Variants in SYNPR observed in about 807,000 individuals in gnomAD.
The protein encoded by SYNPR is synaptoporin.
SYNPR carries 23 observed loss-of-function variants against 32.9 expected under a neutral mutation model. The ratio of observed to expected loss-of-function variants is 0.70; its 90% CI spans 0.50 to 0.99. The LOEUF (loss-of-function observed/expected upper bound fraction) is 0.99. Ranked by LOEUF, SYNPR falls within the 50% of genes least tolerant of loss-of-function variation. SYNPR has a pLI of 0.00. For missense variants in SYNPR, 318 were observed against 349.3 expected (o/e 0.91, Z 0.71); for synonymous variants, 146 against 135.9 (o/e 1.07, Z -0.52).
intron 2 of SYNPR, among the ~76,000 whole-genome samples, chr3:63,368,759 T>G (rs1381850459): frequency 2.0e-5 from 3 of 152,170 alleles, no homozygotes; most frequent in African/African-American, 4.8e-5. Flanking sequence ...GCCTTTGATT[T>G]TGGCTGAAGA....
At position 63,552,999 on chromosome 3, in the gene SYNPR, T is replaced by C. The variant is rs544439706; in HGVS notation, c.210-3544T>C. On this transcript the variant is annotated intron_variant, in intron 3 of 5. Coordinates refer to ENST00000478300, the MANE Select transcript of SYNPR (RefSeq NM_001130003.2). ...TCTATTTCAACTTTTATTTTAGATA[T>C]GGGGGTACATGTGCAGGTGTGTTAC... 3.4e-4 allele frequency among the ~76,000 whole-genome samples: 52 copies of C among 152,198 alleles called. 1 individual carries two copies. Among genetic ancestry groups the C allele is most frequent in the African/African-American group, 1.1e-3 (46 of 41,508 alleles).
intron 2 of SYNPR, among the ~76,000 whole-genome samples, chr3:63,399,272 A>G (rs188264683): frequency 3.3e-5 from 5 of 152,300 alleles, no homozygotes; most frequent in Admixed American, 2.6e-4. Flanking sequence ...CAAAATAACC[A>G]TAAACTGAGT....
intron 1 of SYNPR, among the ~76,000 whole-genome samples, chr3:63,243,280 C>A (rs958272989): frequency 6.8e-6 from 1 of 148,054 alleles, no homozygotes; most frequent in African/African-American, 2.5e-5. Context: ...CATAGTTAAA[C>A]TGCAGAATAT....
intron 2 of SYNPR, among the ~76,000 whole-genome samples, chr3:63,438,004 C>A (rs1311464153): frequency 1.3e-5 from 2 of 152,172 alleles, no homozygotes; most frequent in African/African-American, 4.8e-5. Context: ...TAAAGGGGAG[C>A]ATGCTTAGCC....
In SYNPR at chr3:63,473,145, C is replaced by T. The variant is rs115406279; in HGVS notation, c.85-7687C>T. ...TGTGTCTTTGACTTACTCCTCTCTG[C>T]CTAAAACACCCTTCTCCCTCTTACC... On this transcript the variant is annotated intron_variant, in intron 2 of 5. Coordinates refer to ENST00000478300, the MANE Select transcript of SYNPR (RefSeq NM_001130003.2). Among the ~76,000 whole-genome samples, 1,493 of 152,252 alleles carry T rather than the reference C, an allele frequency of 9.8e-3. 22 individuals carry two copies. Among genetic ancestry groups the T allele is most frequent in the African/African-American group, 0.033 (1,384 of 41,532 alleles).
chr3:63,595,718 TA>T (rs1426857330), intron 4 of SYNPR, among the ~76,000 whole-genome samples: 3,704 of 8,066 alleles, frequency 0.46, 662 homozygotes, highest in African/African-American at 0.53. Flanking sequence ...AATCTTATTT[TA>T]TATATATATA....
intron 3 of SYNPR, among the ~76,000 whole-genome samples, chr3:63,539,510 T>C (rs1702263579): frequency 1.3e-5 from 2 of 152,144 alleles, no homozygotes; most frequent in Admixed American, 6.5e-5. Context: ...AGTTATTGAA[T>C]GTAGATCCTC....
intron 2 of SYNPR, among the ~76,000 whole-genome samples, chr3:63,376,487 G>A (rs546566172): frequency 1.8e-4 from 27 of 152,126 alleles, no homozygotes; most frequent in Middle Eastern, 3.4e-3. Flanking sequence ...CTCTACATTA[G>A]TCACTTTTCT....
chr3:63,229,008 T>G (rs535568437), intron 1 of SYNPR, among the ~76,000 whole-genome samples: 2 of 152,294 alleles, frequency 1.3e-5, no homozygotes, highest in Admixed American at 1.3e-4. Context: ...AACTTCCTAC[T>G]TACAATTCTT....
intron 4 of SYNPR, among the ~76,000 whole-genome samples, chr3:63,564,126 T>G (rs1395153463): frequency 2.6e-5 from 4 of 151,848 alleles, no homozygotes; most frequent in Admixed American, 1.3e-4. Flanking sequence ...ATGTATGTTG[T>G]TAGTCATAGA....
chr3:63,390,873 C>G (rs1483293972), intron 2 of SYNPR, among the ~76,000 whole-genome samples: 1 of 152,186 alleles, frequency 6.6e-6, no homozygotes, highest in Non-Finnish European at 1.5e-5. Flanking sequence ...CCACTCAACT[C>G]CTCCAGAGCC....
intron 2 of SYNPR, among the ~76,000 whole-genome samples, chr3:63,385,937 C>T (rs550442570): frequency 6.6e-6 from 1 of 152,338 alleles, no homozygotes; most frequent in Non-Finnish European, 1.5e-5. Flanking sequence ...AGCTAAGACT[C>T]AAGGCCAAGT....
chr3:63,609,063 T>C (rs942204470), intron 4 of SYNPR, 62 bp from the exon 5 acceptor site: 44 of 1,519,002 alleles, frequency 2.9e-5, no homozygotes, highest in Non-Finnish European at 3.9e-5. Flanking sequence ...TATAAACAAA[T>C]CAACTTGTTT....
At chr3:63,430,137 G>C (rs538545505) in intron 2 of SYNPR, among the ~76,000 whole-genome samples, 2 of 152,292 alleles carry the variant, frequency 1.3e-5, no homozygotes, top group South Asian at 2.1e-4. Flanking sequence ...CAGATGTGAA[G>C]GAAGTACAGA....
intron 2 of SYNPR, among the ~76,000 whole-genome samples, chr3:63,259,251 A>C (rs190153639): frequency 2.0e-5 from 3 of 152,230 alleles, no homozygotes; most frequent in South Asian, 2.1e-4. Flanking sequence ...ATACCAAAGC[A>C]TGGCAGAGAC....
At chr3:63,486,659 G>GT (rs1432568316) in intron 3 of SYNPR, among the ~76,000 whole-genome samples, 1 of 152,126 alleles carries the variant, frequency 6.6e-6, no homozygotes, top group Non-Finnish European at 1.5e-5. Context: ...TAGATAGATT[G>GT]ATCAACTGCT....
intron 1 of SYNPR, among the ~76,000 whole-genome samples, chr3:63,246,274 C>A (rs1410259061): frequency 6.6e-6 from 1 of 152,024 alleles, no homozygotes; most frequent in Non-Finnish European, 1.5e-5. Context: ...AATCAAACTC[C>A]CTGGAGTCCC....
chr3:63,521,444 A>G (rs1407382535), intron 3 of SYNPR, among the ~76,000 whole-genome samples: 1 of 152,200 alleles, frequency 6.6e-6, no homozygotes, highest in African/African-American at 2.4e-5. Context: ...AGTACCAGGC[A>G]CTGTTCTAAG....
chr3:63,575,461 T>C (rs1043159758), intron 4 of SYNPR, among the ~76,000 whole-genome samples: 16 of 152,116 alleles, frequency 1.1e-4, no homozygotes, highest in Non-Finnish European at 1.5e-4. Flanking sequence ...CCAAGGGGTC[T>C]CCCTGCTTAG....
Sources: gnomAD v4.1 joint callset for allele counts (sites outside exome capture counted in the v4.1 genomes callset) on GRCh38, gnomAD v4.1.1 for gene constraint, MANE v1.5 for transcripts, NCBI Gene and HGNC (gene_info 2026-07-23, HGNC 2026-07-21) for gene names.